Variants in FRMD5 observed in about 807,000 individuals in gnomAD.
The protein encoded by FRMD5 is FERM domain-containing protein 5.
Under a neutral mutation model 69.0 loss-of-function variants are expected in FRMD5, and 20 were observed. The observed-to-expected ratio is 0.29, with a 90% CI of 0.20 to 0.42. The LOEUF is 0.42. FRMD5 is among the 10% of genes least tolerant of loss of function. The pLI is 1.00. For missense variants in FRMD5, 595 were observed against 708.6 expected (o/e 0.84, Z 1.82); for synonymous variants, 271 against 260.1 (o/e 1.04, Z -0.40).
chr15:43,973,147 C>T (rs1260419406), intron 1 of FRMD5, among the ~76,000 whole-genome samples: 2 of 151,952 alleles, frequency 1.3e-5, no homozygotes, highest in Non-Finnish European at 2.9e-5. Context: ...CTCAGCCTCC[C>T]GAGTAGCTGG....
intron 1 of FRMD5, among the ~76,000 whole-genome samples, chr15:43,996,714 G>GTTTTTTTTTTTTT (rs1491101376): frequency 2.1e-5 from 1 of 48,078 alleles, no homozygotes; most frequent in African/African-American, 7.4e-5. Context: ...CTCCTCAGCT[G>GTTTTTTTTTTTTT]ATTTTTTTTT....
intron 4 of FRMD5, among the ~76,000 whole-genome samples, chr15:43,918,184 G>A (rs765884432): frequency 7.9e-5 from 12 of 152,166 alleles, no homozygotes; most frequent in Admixed American, 7.9e-4. Context: ...CCAGCACTTT[G>A]GGAGGCTGAG....
At chr15:43,984,318 T>C (rs781525181) in intron 1 of FRMD5, among the ~76,000 whole-genome samples, 27 of 152,100 alleles carry the variant, frequency 1.8e-4, no homozygotes, top group Non-Finnish European at 2.9e-4. Context: ...CAAACCCGCA[T>C]CCCCATCTTC....
chr15:44,063,618 C>T (rs1566927874), intron 1 of FRMD5: 4 of 515,270 alleles, frequency 7.8e-6, no homozygotes, highest in Non-Finnish European at 1.5e-5. Flanking sequence ...TCAATGATCC[C>T]TTTGTTGACC....
chr15:44,196,117 C>A (rs2078292528), upstream of FRMD5, among the ~76,000 whole-genome samples: 2 of 152,088 alleles, frequency 1.3e-5, no homozygotes, highest in African/African-American at 4.8e-5. Flanking sequence ...ACCAGAACTT[C>A]AATAAGAGAT....
chr15:44,099,434 T>C (rs1408765525), intron 1 of FRMD5, among the ~76,000 whole-genome samples: 1 of 152,120 alleles, frequency 6.6e-6, no homozygotes, highest in Non-Finnish European at 1.5e-5. Context: ...GAGGTGGTAA[T>C]GTCCAAGTAA....
intron 1 of FRMD5, among the ~76,000 whole-genome samples, chr15:44,097,950 G>A (rs2140510948): frequency 6.6e-6 from 1 of 152,124 alleles, no homozygotes; most frequent in East Asian, 1.9e-4. Context: ...TGAATGACAT[G>A]TTTACTGCAT....
chr15:43,874,365 A>C lies in FRMD5; in HGVS notation c.1233T>G (p.Asp411Glu). The C allele has an allele frequency of 6.2e-7, 1 of 1,614,214 alleles. No individual in the cohort carries two copies. Among genetic ancestry groups the C allele is most frequent in the East Asian group, 2.2e-5 (1 of 44,882 alleles). Residue 411 changes from aspartate (D) to glutamate (E), a missense_variant, in exon 14 of 14, where the codon GAT (aspartate) becomes GAG (glutamate). Asp to Glu is a conservative substitution (Grantham distance 45). This residue lies in a region of FRMD5 where 245 missense variants were observed against 227.1 expected (regional missense o/e 1.08). Coordinates refer to ENST00000417257, the MANE Select transcript of FRMD5 (RefSeq NM_032892.5). ...FLPHVRSSRT[D>E]SNERVAVIAD... is the part of the protein sequence containing the mutation. ...CAATCACAGCTACTCGCTCATTGCT[A>C]TCTGTCCGGCTGCTTCTCACGTGAG...
At chr15:44,016,217 A>C (rs1346323826) in intron 1 of FRMD5, among the ~76,000 whole-genome samples, 4 of 152,226 alleles carry the variant, frequency 2.6e-5, no homozygotes, top group Non-Finnish European at 5.9e-5. Context: ...TCAGAAAAGA[A>C]AAAACCTACC....
intron 1 of FRMD5, among the ~76,000 whole-genome samples, chr15:44,043,162 C>T (rs191181036): frequency 3.1e-3 from 477 of 152,288 alleles, no homozygotes; most frequent in Non-Finnish European, 3.2e-3. Context: ...CATGAGTGAA[C>T]TCCCATTCAC....
intron 1 of FRMD5, among the ~76,000 whole-genome samples, chr15:43,994,662 C>T (rs1260521041): frequency 2.0e-5 from 3 of 152,164 alleles, no homozygotes; most frequent in Non-Finnish European, 2.9e-5. Context: ...GAACTCCTGA[C>T]CTCAAGTGAT....
chr15:43,916,015 G>C (rs188963930), intron 4 of FRMD5, among the ~76,000 whole-genome samples: 1,705 of 151,344 alleles, frequency 0.011, 26 homozygotes, highest in African/African-American at 0.04. Context: ...GCCCCAGGGA[G>C]GGGGAGGCAC....
chr15:43,948,593 A>G (rs1033857184), intron 1 of FRMD5, among the ~76,000 whole-genome samples: 1 of 152,206 alleles, frequency 6.6e-6, no homozygotes, highest in African/African-American at 2.4e-5. Context: ...AACTTATAAA[A>G]CAGTTTCCAT....
At chr15:44,040,046 C>T (rs747567859) in intron 1 of FRMD5, among the ~76,000 whole-genome samples, 5 of 151,316 alleles carry the variant, frequency 3.3e-5, no homozygotes, top group East Asian at 2.0e-4. Flanking sequence ...CATCAATAGC[C>T]GAATCGATCA....
chr15:44,027,788 G>A (rs1011909315), intron 1 of FRMD5, among the ~76,000 whole-genome samples: 2 of 151,894 alleles, frequency 1.3e-5, no homozygotes, highest in African/African-American at 4.8e-5. Flanking sequence ...GGGACTACAC[G>A]TGCGTGCCAA....
intron 1 of FRMD5, among the ~76,000 whole-genome samples, chr15:43,935,773 G>A (rs1376943886): frequency 6.6e-6 from 1 of 152,152 alleles, no homozygotes; most frequent in Non-Finnish European, 1.5e-5. Flanking sequence ...CATCTTCTGT[G>A]CCTCTGCACA....
chr15:43,888,941 G>A, intron 8 of FRMD5, 69 bp from the exon 9 acceptor site: 5 of 1,368,168 alleles, frequency 3.7e-6, no homozygotes, highest in African/African-American at 1.4e-5. Flanking sequence ...TCTTGTAGAT[G>A]CACAGCCCAC....
chr15:44,189,806 T>A (rs1313865144), intron 1 of FRMD5, among the ~76,000 whole-genome samples: 1 of 151,680 alleles, frequency 6.6e-6, no homozygotes, highest in East Asian at 1.9e-4. Context: ...GTCCAAAGAG[T>A]TTTATTGGTC....
At chr15:43,889,965 T>TAA (rs1207192407) in intron 8 of FRMD5, among the ~76,000 whole-genome samples, 1 of 152,204 alleles carries the variant, frequency 6.6e-6, no homozygotes, top group Non-Finnish European at 1.5e-5. Flanking sequence ...GTACCCAACT[T>TAA]ACTGCTGGAA....
Sources: gnomAD v4.1 joint callset for allele counts (sites outside exome capture counted in the v4.1 genomes callset) on GRCh38, gnomAD v4.1.1 for gene constraint, gnomAD v4.1.1 regional missense constraint, MANE v1.5 for transcripts, NCBI Gene and HGNC (gene_info 2026-07-23, HGNC 2026-07-21) for gene names.